The following IMMP2L variants were observed in gnomAD, a reference collection of about 807,000 sequenced individuals.
IMMP2L encodes the protein inner mitochondrial membrane peptidase subunit 2, also known as mitochondrial inner membrane protease subunit 2.
A neutral mutation model predicts 19.3 loss-of-function variants in IMMP2L; 18 were observed. The ratio of observed to expected loss-of-function variants is 0.93; its 90% CI spans 0.64 to 1.38. The LOEUF (loss-of-function observed/expected upper bound fraction) is 1.38, where lower values mean the gene tolerates loss of function less well. Among genes scored for constraint, IMMP2L ranks in the 40% most tolerant of loss-of-function variants. The probability of loss-of-function intolerance (pLI) is 0.00; values close to 1 mark genes in which losing one functional copy is unlikely to be tolerated. For missense variants in IMMP2L, 233 were observed against 218.2 expected, an observed-to-expected ratio of 1.07 and a Z score of -0.43; for synonymous variants, 76 against 73.0, an observed-to-expected ratio of 1.04 and a Z score of -0.21.
At chr7:111,138,126 C>G (rs890142196) in intron 3 of IMMP2L, among the ~76,000 whole-genome samples, 4 of 152,190 alleles carry the variant, frequency 2.6e-5, no homozygotes, top group Admixed American at 6.5e-5. Flanking sequence ...CCACCGTGAC[C>G]AGCCTTGTGC....
intron 3 of IMMP2L, among the ~76,000 whole-genome samples, chr7:111,003,970 T>C (rs79725590): frequency 0.026 from 4,035 of 152,292 alleles, 154 homozygotes; most frequent in African/African-American, 0.091. Context: ...CTAGTACCTA[T>C]TGATAAGTTT....
At chr7:111,501,816 G>A (rs1370882877) in intron 2 of IMMP2L, among the ~76,000 whole-genome samples, 1 of 152,088 alleles carries the variant, frequency 6.6e-6, no homozygotes, top group Non-Finnish European at 1.5e-5. Flanking sequence ...AAGAGCTCCT[G>A]AAGGAAGCAC....
chr7:111,112,531 G>A (rs1586351129), intron 3 of IMMP2L, among the ~76,000 whole-genome samples: 1 of 152,128 alleles, frequency 6.6e-6, no homozygotes, highest in East Asian at 1.9e-4. Context: ...TGTCTTGGTT[G>A]AAACTCAAAG....
intron 1 of IMMP2L, among the ~76,000 whole-genome samples, chr7:111,551,428 T>C (rs1227561367): frequency 6.6e-6 from 1 of 152,062 alleles, no homozygotes; most frequent in Non-Finnish European, 1.5e-5. Flanking sequence ...GTACTATGTA[T>C]TACCAAAAAC....
chr7:111,381,143 G>C (rs965486256), intron 3 of IMMP2L, among the ~76,000 whole-genome samples: 37 of 151,918 alleles, frequency 2.4e-4, no homozygotes, highest in African/African-American at 6.5e-4. Flanking sequence ...ACATTAGTTT[G>C]GTATTAGTAG....
At chr7:111,211,497 A>G (rs214460) in intron 3 of IMMP2L, among the ~76,000 whole-genome samples, 103,903 of 152,104 alleles carry the variant, frequency 0.68, 36,610 homozygotes, top group African/African-American at 0.84. Context: ...TTGAATATCA[A>G]ACCCAATCTA....
chr7:111,108,963 C>T (rs567692723), intron 3 of IMMP2L, among the ~76,000 whole-genome samples: 14 of 152,038 alleles, frequency 9.2e-5, no homozygotes, highest in Non-Finnish European at 1.2e-4. Flanking sequence ...CTGAATAAAA[C>T]GGAAACAACT....
intron 4 of IMMP2L, among the ~76,000 whole-genome samples, chr7:110,897,004 A>G (rs545219627): frequency 6.6e-6 from 1 of 152,104 alleles, no homozygotes; most frequent in South Asian, 2.1e-4. Flanking sequence ...TTGTATTGAC[A>G]GGGTCTTACT....
intron 4 of IMMP2L, among the ~76,000 whole-genome samples, chr7:110,917,782 AAAAG>A (rs1416746851): frequency 6.6e-6 from 1 of 152,218 alleles, no homozygotes; most frequent in African/African-American, 2.4e-5. Flanking sequence ...AATAAATTAC[AAAAG>A]AAAAACATCA....
At chr7:111,332,524 T>C (rs1317596994) in intron 3 of IMMP2L, among the ~76,000 whole-genome samples, 1 of 151,958 alleles carries the variant, frequency 6.6e-6, no homozygotes, top group Non-Finnish European at 1.5e-5. Context: ...TAGTACCTTT[T>C]TGTAAAACAA....
At chr7:110,999,887 G>C (rs1823475810) in intron 3 of IMMP2L, among the ~76,000 whole-genome samples, 1 of 152,112 alleles carries the variant, frequency 6.6e-6, no homozygotes, top group South Asian at 2.1e-4. Flanking sequence ...ACTAAAGCAT[G>C]GTGGAGGGAA....
Position 110,737,535 on chromosome 7 carries a change from T to G in IMMP2L, c.409-73814A>C, listed in dbSNP as rs181972777. ...CAGCAAGCCCACCCCAAGAAGAGGT[T>G]GAGCTCAGACATGCCTGTCTCTGCT... On this transcript the variant is annotated intron_variant, in intron 5 of 5. Coordinates refer to ENST00000405709, the MANE Select transcript of IMMP2L (RefSeq NM_032549.4). Among the ~76,000 whole-genome samples, 182 of 152,304 alleles carry G rather than the reference T, an allele frequency of 1.2e-3. 1 individual carries two copies. Among genetic ancestry groups the G allele is most frequent in the African/African-American group, 4.2e-3 (175 of 41,580 alleles).
intron 3 of IMMP2L, among the ~76,000 whole-genome samples, chr7:111,218,526 G>A (rs1395706431): frequency 3.3e-5 from 5 of 151,678 alleles, no homozygotes; most frequent in East Asian, 1.9e-4. Flanking sequence ...TAAATAAAAC[G>A]TTCCCCATAT....
At chr7:111,148,765 T>G (rs1803758834) in intron 3 of IMMP2L, among the ~76,000 whole-genome samples, 2 of 151,938 alleles carry the variant, frequency 1.3e-5, no homozygotes, top group Non-Finnish European at 1.5e-5. Context: ...TGTGTGTGTG[T>G]GTGGGTCTGT....
At chr7:111,099,700 T>G (rs2129579717) in intron 3 of IMMP2L, among the ~76,000 whole-genome samples, 1 of 151,834 alleles carries the variant, frequency 6.6e-6, no homozygotes, top group Non-Finnish European at 1.5e-5. Context: ...AAATGAAGTT[T>G]TTTTTTTGAA....
At chr7:111,017,240 T>C (rs1359680325) in intron 3 of IMMP2L, among the ~76,000 whole-genome samples, 1 of 151,300 alleles carries the variant, frequency 6.6e-6, no homozygotes, top group Non-Finnish European at 1.5e-5. Flanking sequence ...GCTCGTATTG[T>C]TTTTTTAGAA....
In IMMP2L at chr7:110,900,099, CT is replaced by C. The variant is rs1811708267; in HGVS notation, c.306-13405del. ...ATAATAATAAACAGCATAAAATTGACTTCTATCTCCACTGGGTTCATATGGT... is the reference window on the plus strand; with the variant it reads ...ATAATAATAAACAGCATAAAATTGACTCTATCTCCACTGGGTTCATATGGT... On this transcript the variant is annotated intron_variant, in intron 4 of 5. Coordinates refer to ENST00000405709, the MANE Select transcript of IMMP2L (RefSeq NM_032549.4). Among the ~76,000 whole-genome samples the C allele has an allele frequency of 2.0e-5, 3 of 152,258 alleles. No individual in the cohort carries two copies. The South Asian group carries it at 6.2e-4, about 32-fold the overall frequency.
At chr7:111,221,794 A>G (rs1812545945) in intron 3 of IMMP2L, among the ~76,000 whole-genome samples, 3 of 152,028 alleles carry the variant, frequency 2.0e-5, no homozygotes, top group Admixed American at 2.0e-4. Flanking sequence ...AAGAATAACA[A>G]TGATAACTAT....
At chr7:111,302,717 A>T (rs1313530735) in intron 3 of IMMP2L, among the ~76,000 whole-genome samples, 1 of 152,198 alleles carries the variant, frequency 6.6e-6, no homozygotes, top group Non-Finnish European at 1.5e-5. Context: ...GGCTTATCTT[A>T]TGGAGATTAT....
Sources: gnomAD v4.1 joint callset for allele counts (sites outside exome capture counted in the v4.1 genomes callset) on GRCh38, gnomAD v4.1.1 for gene constraint, MANE v1.5 for transcripts, NCBI Gene and HGNC (gene_info 2026-07-23, HGNC 2026-07-21) for gene names.